Variants in EVI5 observed in about 807,000 individuals in gnomAD.
The protein encoded by EVI5 is ecotropic viral integration site 5.
EVI5 carries 73 observed loss-of-function variants against 112.0 expected under a neutral mutation model. That is an observed-to-expected ratio of 0.65 (90% CI 0.54 to 0.79). EVI5 has a LOEUF of 0.79. Among genes scored for constraint, EVI5 ranks in the 30% least tolerant of loss-of-function variants. The pLI is 0.00. For missense variants in EVI5, 900 were observed against 968.8 expected, an observed-to-expected ratio of 0.93 and a Z score of 0.94; for synonymous variants, 305 against 319.9, an observed-to-expected ratio of 0.95 and a Z score of 0.50.
At chr1:92,709,844 G>T (rs2102600505) in intron 2 of EVI5, among the ~76,000 whole-genome samples, 1 of 152,050 alleles carries the variant, frequency 6.6e-6, no homozygotes, top group Admixed American at 6.6e-5. Context: ...AACTCAAGAA[G>T]GCTTTTAAAC....
At chr1:92,644,349 G>C (rs1166592833) in intron 13 of EVI5, among the ~76,000 whole-genome samples, 3 of 152,150 alleles carry the variant, frequency 2.0e-5, no homozygotes, top group Non-Finnish European at 4.4e-5. Context: ...TATGAAATAA[G>C]ACAACTGGGC....
intron 15 of EVI5, among the ~76,000 whole-genome samples, chr1:92,624,547 A>G (rs913418933): frequency 2.0e-5 from 3 of 151,996 alleles, no homozygotes; most frequent in Non-Finnish European, 4.4e-5. Flanking sequence ...TATATTTAAG[A>G]TAGAATTTAT....
intron 1 of EVI5, among the ~76,000 whole-genome samples, chr1:92,754,615 T>C (rs1159982704): frequency 7.2e-5 from 11 of 152,312 alleles, no homozygotes; most frequent in East Asian, 5.8e-4. Context: ...CCTCATATAG[T>C]TATTGGCAAA....
intron 1 of EVI5, among the ~76,000 whole-genome samples, chr1:92,768,293 C>T (rs1263428458): frequency 2.0e-5 from 3 of 152,068 alleles, no homozygotes; most frequent in Non-Finnish European, 2.9e-5. Context: ...TAAAGATACA[C>T]AGCTACACAA....
At chr1:92,516,987 G>A (rs1422361816) in intron 19 of EVI5, among the ~76,000 whole-genome samples, 4 of 152,072 alleles carry the variant, frequency 2.6e-5, no homozygotes, top group Non-Finnish European at 5.9e-5. Context: ...AAGAACTGAG[G>A]ATCTCTGTCA....
chr1:92,586,222 T>C (rs1157389521), intron 18 of EVI5, among the ~76,000 whole-genome samples: 1 of 152,214 alleles, frequency 6.6e-6, no homozygotes, highest in East Asian at 1.9e-4. Context: ...GTAAAGTTAC[T>C]CTTTTTGTCC....
At chr1:92,626,862 A>G (rs1225581426) in intron 14 of EVI5, among the ~76,000 whole-genome samples, 1 of 152,178 alleles carries the variant, frequency 6.6e-6, no homozygotes, top group African/African-American at 2.4e-5. Flanking sequence ...TTTTTGTTGT[A>G]TTTCCTCAGC....
intron 6 of EVI5, among the ~76,000 whole-genome samples, chr1:92,696,804 C>A (rs1670390304): frequency 6.6e-6 from 1 of 152,136 alleles, no homozygotes; most frequent in Non-Finnish European, 1.5e-5. Flanking sequence ...TTTGGAAGGC[C>A]AAGGCGGGCG....
At chr1:92,635,190 A>G (rs551305833) in intron 14 of EVI5, among the ~76,000 whole-genome samples, 134 of 152,308 alleles carry the variant, frequency 8.8e-4, no homozygotes, top group African/African-American at 3.0e-3. Context: ...TGGGAGAACC[A>G]CTACTCTCTT....
At chr1:92,738,992 C>A (rs559827541) in intron 1 of EVI5, among the ~76,000 whole-genome samples, 10 of 152,144 alleles carry the variant, frequency 6.6e-5, no homozygotes, top group African/African-American at 1.9e-4. Context: ...AACATACTGG[C>A]CGGGCACGGT....
chr1:92,570,246 A>C (rs974626947), intron 18 of EVI5, among the ~76,000 whole-genome samples: 1 of 152,186 alleles, frequency 6.6e-6, no homozygotes, highest in Non-Finnish European at 1.5e-5. Flanking sequence ...AGGGGGACTA[A>C]TTTGATAAGA....
intron 16 of EVI5, among the ~76,000 whole-genome samples, chr1:92,609,080 G>A (rs1349469794): frequency 6.6e-6 from 1 of 152,152 alleles, no homozygotes. Context: ...GAACTAACAT[G>A]AGGTAGTTTT....
rs561423617 is a variant in EVI5, at chr1:92,590,697, C to T, written c.2070+14610G>A. ...AAGGTGGAAAACACTCTGCAGGATA[C>T]TATCCAGGAGAACTTTCCCAATCTA... On this transcript the variant is annotated intron_variant, in intron 18 of 19. Coordinates refer to ENST00000684568, the MANE Select transcript of EVI5 (RefSeq NM_001350197.2). 7.4e-4 allele frequency among the ~76,000 whole-genome samples: 112 copies of T among 152,276 alleles called. 1 individual carries two copies. Among genetic ancestry groups the T allele is most frequent in the South Asian group, 4.1e-3 (20 of 4,824 alleles).
In EVI5 at chr1:92,510,808, A is replaced by AT. The variant is rs543925436; in HGVS notation, c.*2847dup. ...GTGACACAAAATATCAGTCTTTGGAATTTTTTTCCCAACTATTTAAAAAAG... is the reference window on the plus strand; with the variant it reads ...GTGACACAAAATATCAGTCTTTGGAATTTTTTTTCCCAACTATTTAAAAAAG... On this transcript the variant is annotated 3_prime_UTR_variant, in exon 20 of 20. Coordinates refer to ENST00000684568, the MANE Select transcript of EVI5 (RefSeq NM_001350197.2). 4.6e-5 allele frequency: 7 copies of AT among 152,194 alleles called. No individual in the cohort carries two copies. The highest frequency in any genetic ancestry group is 2.0e-4 in the Admixed American group (3 of 15,276). The allele number at this position is 152,194 out of a possible 1,614,324, so 9.4% of individuals were successfully genotyped here.
At chr1:92,604,470 A>G (rs1238976812) in intron 18 of EVI5, among the ~76,000 whole-genome samples, 1 of 152,196 alleles carries the variant, frequency 6.6e-6, no homozygotes, top group Non-Finnish European at 1.5e-5. Flanking sequence ...TCCCACTGGA[A>G]GGTCTTCAGG....
chr1:92,647,800 C>T (rs755140756), intron 13 of EVI5, among the ~76,000 whole-genome samples: 30 of 151,668 alleles, frequency 2.0e-4, no homozygotes, highest in Admixed American at 3.3e-4. Context: ...AGTGCAGTGG[C>T]GCAATCTTAG....
chr1:92,624,567 G>A (rs900491599), intron 15 of EVI5, among the ~76,000 whole-genome samples: 2 of 151,502 alleles, frequency 1.3e-5, no homozygotes, highest in African/African-American at 2.4e-5. Context: ...TTGGCCAGGC[G>A]CAGTGGCTCT....
chr1:92,770,786 T>A (rs1028903282), intron 1 of EVI5, among the ~76,000 whole-genome samples: 3 of 151,642 alleles, frequency 2.0e-5, no homozygotes, highest in Admixed American at 6.6e-5. Context: ...CGGGACTCCA[T>A]CTCAAAAAAA....
At chr1:92,694,261 T>C in intron 8 of EVI5, 38 bp downstream of exon 8, 2 of 1,241,510 alleles carry the variant, frequency 1.6e-6, no homozygotes. Flanking sequence ...CTAAACTCTG[T>C]CTCAAAAAAA....
Sources: gnomAD v4.1 joint callset for allele counts (sites outside exome capture counted in the v4.1 genomes callset) on GRCh38, gnomAD v4.1.1 for gene constraint, MANE v1.5 for transcripts, NCBI Gene and HGNC (gene_info 2026-07-23, HGNC 2026-07-21) for gene names.